ZDHHC11B: variants seen among roughly 807,000 people sequenced by gnomAD.
ZDHHC11B encodes the protein probable palmitoyltransferase ZDHHC11B.
Under a neutral mutation model 42.3 loss-of-function variants are expected in ZDHHC11B, and 17 were observed. That is an observed-to-expected ratio of 0.40 (90% CI 0.27 to 0.60). ZDHHC11B has a LOEUF of 0.60. ZDHHC11B is among the 20% of genes least tolerant of loss of function. The pLI is 0.41. For missense variants in ZDHHC11B, 262 were observed against 463.2 expected, an observed-to-expected ratio of 0.57 and a Z score of 3.99; for synonymous variants, 123 against 193.5, an observed-to-expected ratio of 0.64 and a Z score of 3.02.
At chr5:737,728 A>G (rs993365121) in intron 10 of ZDHHC11B, among the ~76,000 whole-genome samples, 1 of 149,620 alleles carries the variant, frequency 6.7e-6, no homozygotes, top group African/African-American at 2.5e-5. Context: ...TAGATGCAGA[A>G]AAAGCATCTG....
intron 8 of ZDHHC11B, among the ~76,000 whole-genome samples, chr5:746,244 C>T (rs1249667544): frequency 1.4e-5 from 2 of 146,522 alleles, no homozygotes; most frequent in East Asian, 2.2e-4. Context: ...CTGGGGCGGC[C>T]GCCCACAGAG....
intron 10 of ZDHHC11B, among the ~76,000 whole-genome samples, chr5:738,940 C>T (rs1289986617): frequency 6.6e-6 from 1 of 150,990 alleles, no homozygotes; most frequent in African/African-American, 2.5e-5. Flanking sequence ...TGCAATTTAT[C>T]TTAATTTATC....
intron 4 of ZDHHC11B, among the ~76,000 whole-genome samples, chr5:762,634 T>A (rs781517664): frequency 6.6e-6 from 1 of 151,762 alleles, no homozygotes; most frequent in Non-Finnish European, 1.5e-5. Context: ...GCAGTGTGTA[T>A]CTGTCTGTGC....
intron 1 of ZDHHC11B, among the ~76,000 whole-genome samples, 143 bp downstream of exon 1, chr5:784,525 C>G (rs1737111185): frequency 6.6e-6 from 1 of 152,244 alleles, no homozygotes; most frequent in South Asian, 2.1e-4. Context: ...CAGGGACGCG[C>G]AGGGCGGCCC....
intron 1 of ZDHHC11B, among the ~76,000 whole-genome samples, chr5:780,447 G>A (rs1736878466): frequency 6.6e-6 from 1 of 151,386 alleles, no homozygotes; most frequent in South Asian, 2.1e-4. Flanking sequence ...AGTGTGGACG[G>A]ACCACTCGCG....
chr5:778,050 AGCCAC>A (rs1736689902), intron 1 of ZDHHC11B, among the ~76,000 whole-genome samples: 1 of 151,934 alleles, frequency 6.6e-6, no homozygotes, highest in Non-Finnish European at 1.5e-5. Context: ...GCACCTCCGC[AGCCAC>A]CGTAGGACAG....
At chr5:747,016 T>C (rs1239514168) in intron 8 of ZDHHC11B, among the ~76,000 whole-genome samples, 9 of 115,520 alleles carry the variant, frequency 7.8e-5, no homozygotes, top group African/African-American at 2.6e-4. Context: ...GAATTCTGGG[T>C]GGAGTGAAAC....
At chr5:733,581 C>T (rs1350779176) in intron 11 of ZDHHC11B, among the ~76,000 whole-genome samples, 171 bp downstream of exon 11, 3 of 151,630 alleles carry the variant, frequency 2.0e-5, no homozygotes, top group African/African-American at 7.3e-5. Context: ...CTGCCTCTCA[C>T]TCCATCTCTC....
rs573525816 is a variant in ZDHHC11B, at chr5:771,259, T to C, written c.-229-2329A>G. Among the ~76,000 whole-genome samples the C allele has an allele frequency of 7.2e-5, 11 of 151,742 alleles. 1 individual carries two copies. Among genetic ancestry groups the C allele is most frequent in the Non-Finnish European group, 1.0e-4 (7 of 67,872 alleles). The stretch of plus-strand genomic sequence containing the variant: ...TCGTGGGGGTCCTGAGTGTGGCCCC[T>C]GCTGAACTTGAGATCCCACAAATTC... On this transcript the variant is annotated intron_variant, in intron 1 of 13. Coordinates refer to ENST00000508859, the MANE Select transcript of ZDHHC11B (RefSeq NM_001351303.2).
intron 9 of ZDHHC11B, among the ~76,000 whole-genome samples, chr5:742,221 C>T (rs1407121076): frequency 7.2e-6 from 1 of 139,524 alleles, no homozygotes; most frequent in East Asian, 2.4e-4. Context: ...TGGCCTCAAG[C>T]AATCCTCTTG....
chr5:778,906 A>G (rs1220133876), intron 1 of ZDHHC11B, among the ~76,000 whole-genome samples: 5 of 151,796 alleles, frequency 3.3e-5, no homozygotes, highest in African/African-American at 1.2e-4. Flanking sequence ...AGATTCAGCT[A>G]TGGGGGCCAG....
chr5:753,656 T>C (rs573280271), intron 6 of ZDHHC11B, among the ~76,000 whole-genome samples: 29 of 148,356 alleles, frequency 2.0e-4, no homozygotes, highest in African/African-American at 7.1e-4. Flanking sequence ...GAGCTGCTCT[T>C]CTCCAGGGGA....
At chr5:766,285 C>T (rs147046023) in intron 4 of ZDHHC11B, among the ~76,000 whole-genome samples, 292 of 134,544 alleles carry the variant, frequency 2.2e-3, no homozygotes, top group African/African-American at 7.3e-3. Flanking sequence ...CTTTGGGAGA[C>T]GGGAGCAGAC....
chr5:712,916 A>ATG (rs1405076995), intron 13 of ZDHHC11B, among the ~76,000 whole-genome samples: 53 of 120,634 alleles, frequency 4.4e-4, no homozygotes, highest in East Asian at 1.8e-3. Flanking sequence ...CTAAATACAT[A>ATG]TGTGTGTGTG....
chr5:769,803 T>C (rs1735836417), intron 1 of ZDHHC11B, among the ~76,000 whole-genome samples: 1 of 151,946 alleles, frequency 6.6e-6, no homozygotes, highest in African/African-American at 2.4e-5. Context: ...AGGAGCAGGG[T>C]GGGCCAGCAC....
Position 710,429 on chromosome 5 carries a change from G to A in ZDHHC11B, c.*1861C>T, listed in dbSNP as rs73730922. The A allele has an allele frequency of 0.086, 13,137 of 152,732 alleles. 198 individuals carry two copies. Among genetic ancestry groups the A allele is most frequent in the African/African-American group, 0.14 (5,697 of 40,816 alleles). The allele number at this position is 152,732 out of a possible 1,614,324, so 9.5% of individuals were successfully genotyped here. A position where few individuals can be genotyped will look rare whatever the true frequency, so the allele number is the denominator to read the frequency against. On this transcript the variant is annotated 3_prime_UTR_variant, in exon 14 of 14. Transcript: ENST00000508859. ...ATATGACTACTAAACAGACTAAAAC[G>A]CAGAGTTCATTAAAATACAGAGGAT...
chr5:761,637 C>T (rs1360086038), intron 4 of ZDHHC11B, among the ~76,000 whole-genome samples: 2 of 151,862 alleles, frequency 1.3e-5, no homozygotes, highest in African/African-American at 4.8e-5. Context: ...TGCCACGTTC[C>T]AGCACCTCCC....
At chr5:775,560 T>G (rs1348982236) in intron 1 of ZDHHC11B, among the ~76,000 whole-genome samples, 2 of 151,864 alleles carry the variant, frequency 1.3e-5, no homozygotes, top group African/African-American at 4.8e-5. Flanking sequence ...TAACTCAGGT[T>G]CCCAGGAGCC....
In ZDHHC11B at chr5:745,541, A is replaced by T. The variant is rs1309511972; in HGVS notation, c.785-243T>A. ...AGCTGCGACCTGGGGAACGGTGCTG[A>T]CTCAGGCCCCCCCGCCTGCCAAGGC... On this transcript the variant is annotated intron_variant, in intron 8 of 13. Coordinates refer to ENST00000508859, the MANE Select transcript of ZDHHC11B (RefSeq NM_001351303.2). Among the ~76,000 whole-genome samples the T allele has an allele frequency of 1.3e-5, 2 of 149,718 alleles. 1 individual carries two copies. Among genetic ancestry groups the T allele is most frequent in the African/African-American group, 4.9e-5 (2 of 40,754 alleles).
Sources: gnomAD v4.1 joint callset for allele counts (sites outside exome capture counted in the v4.1 genomes callset) on GRCh38, gnomAD v4.1.1 for gene constraint, MANE v1.5 for transcripts, NCBI Gene and HGNC (gene_info 2026-07-23, HGNC 2026-07-21) for gene names.